The following CCDC149 variants were observed in gnomAD, a reference collection of about 807,000 sequenced individuals.
CCDC149 encodes coiled-coil domain containing 149.
CCDC149 carries 45 observed loss-of-function variants against 59.9 expected under a neutral mutation model. The ratio of observed to expected loss-of-function variants is 0.75; its 90% confidence interval spans 0.59 to 0.96. The LOEUF (loss-of-function observed/expected upper bound fraction) is 0.96, where lower values mean the gene tolerates loss of function less well. Among genes scored for constraint, CCDC149 ranks in the 40% least tolerant of loss-of-function variants. The pLI, the probability that CCDC149 is intolerant of heterozygous loss-of-function variation, is 0.00. For missense variants in CCDC149, 584 were observed against 664.7 expected, an observed-to-expected ratio of 0.88 and a Z score of 1.33; for synonymous variants, 245 against 260.6, an observed-to-expected ratio of 0.94 and a Z score of 0.58.
At chr4:24,918,291 A>G (rs948346214) in intron 1 of CCDC149, among the ~76,000 whole-genome samples, 1 of 152,188 alleles carries the variant, frequency 6.6e-6, no homozygotes, top group Non-Finnish European at 1.5e-5. Flanking sequence ...AAAAAAAACA[A>G]AGAAAACAAT....
At chr4:24,953,839 G>A (rs1723385207) in intron 1 of CCDC149, among the ~76,000 whole-genome samples, 1 of 152,060 alleles carries the variant, frequency 6.6e-6, no homozygotes, top group Non-Finnish European at 1.5e-5. Context: ...CAAGAAGAGA[G>A]AAAAGCTAAA....
intron 1 of CCDC149, among the ~76,000 whole-genome samples, chr4:24,889,076 T>C (rs1720372938): frequency 6.6e-6 from 1 of 152,190 alleles, no homozygotes; most frequent in African/African-American, 2.4e-5. Flanking sequence ...TAATGTGAAC[T>C]ACAGTAGCTG....
intron 1 of CCDC149, among the ~76,000 whole-genome samples, chr4:24,937,847 A>G (rs780258356): frequency 1.3e-5 from 2 of 152,196 alleles, no homozygotes; most frequent in Non-Finnish European, 2.9e-5. Context: ...GCTGTTCTAG[A>G]ACTGAAGAGG....
intron 11 of CCDC149, 41 bp downstream of exon 11, chr4:24,821,014 T>C (rs924498252): frequency 8.6e-7 from 1 of 1,167,408 alleles, no homozygotes; most frequent in Admixed American, 4.2e-5. Flanking sequence ...AATACACTGC[T>C]GATATTAGCC....
chr4:24,927,465 C>A (rs909389138), intron 1 of CCDC149, among the ~76,000 whole-genome samples: 3 of 152,202 alleles, frequency 2.0e-5, no homozygotes, highest in South Asian at 2.1e-4. Flanking sequence ...TATTTGCATC[C>A]AAAAACATGG....
At chr4:24,948,400 T>C (rs1460518670) in intron 1 of CCDC149, among the ~76,000 whole-genome samples, 2 of 152,226 alleles carry the variant, frequency 1.3e-5, no homozygotes, top group African/African-American at 4.8e-5. Context: ...GGAGGCTTTT[T>C]GCTCATGGAT....
intron 1 of CCDC149, among the ~76,000 whole-genome samples, chr4:24,929,535 T>G (rs1275590191): frequency 1.3e-5 from 2 of 152,220 alleles, no homozygotes; most frequent in African/African-American, 2.4e-5. Flanking sequence ...CTCTCAGAAA[T>G]GCACATCATG....
At chr4:24,936,289 T>C (rs892099575) in intron 1 of CCDC149, among the ~76,000 whole-genome samples, 5 of 151,020 alleles carry the variant, frequency 3.3e-5, no homozygotes, top group South Asian at 2.1e-4. Context: ...GTTTTCTTTT[T>C]AAGATGGGCA....
intron 1 of CCDC149, among the ~76,000 whole-genome samples, chr4:24,887,361 G>C (rs1213505172): frequency 6.6e-6 from 1 of 152,050 alleles, no homozygotes; most frequent in African/African-American, 2.4e-5. Flanking sequence ...AATGGGATCA[G>C]TCTAGCTCTC....
intron 1 of CCDC149, among the ~76,000 whole-genome samples, chr4:24,966,143 G>A (rs767672978): frequency 2.6e-5 from 4 of 152,152 alleles, no homozygotes; most frequent in Non-Finnish European, 4.4e-5. Context: ...GCTGTTGCAG[G>A]TGAGTACGTG....
chr4:24,858,761 T>TGACTACA (rs1370547639), intron 3 of CCDC149, among the ~76,000 whole-genome samples: 2 of 152,186 alleles, frequency 1.3e-5, no homozygotes, highest in East Asian at 3.8e-4. Context: ...ACAGGGATGA[T>TGACTACA]GACTACAAAT....
chr4:24,814,272 T>TA (rs1417571196), intron 12 of CCDC149, among the ~76,000 whole-genome samples: 1 of 152,192 alleles, frequency 6.6e-6, no homozygotes, highest in Non-Finnish European at 1.5e-5. Flanking sequence ...CCTTGCTTTT[T>TA]AAAAAAATAG....
chr4:24,932,892 G>A (rs1315275221), intron 1 of CCDC149, among the ~76,000 whole-genome samples: 1 of 152,162 alleles, frequency 6.6e-6, no homozygotes, highest in Non-Finnish European at 1.5e-5. Context: ...CCAATTTAGA[G>A]CCATCAGAGC....
At chr4:24,905,718 G>A (rs1037031077) in intron 1 of CCDC149, among the ~76,000 whole-genome samples, 1 of 152,208 alleles carries the variant, frequency 6.6e-6, no homozygotes, top group African/African-American at 2.4e-5. Context: ...TTACAGGCGT[G>A]AGCCATGGTG....
intron 1 of CCDC149, among the ~76,000 whole-genome samples, chr4:24,883,820 C>T (rs1719993515): frequency 6.6e-6 from 1 of 152,164 alleles, no homozygotes; most frequent in African/African-American, 2.4e-5. Flanking sequence ...AACCGCTTTC[C>T]CCATTTTATG....
At chr4:24,934,504 A>C (rs55665004) in intron 1 of CCDC149, among the ~76,000 whole-genome samples, 63,106 of 152,056 alleles carry the variant, frequency 0.42, 15,398 homozygotes, top group Non-Finnish European at 0.54. Context: ...ACAGATTGGC[A>C]CACTGCTACC....
chr4:24,853,583 A>C (rs530944551), intron 3 of CCDC149, among the ~76,000 whole-genome samples: 71 of 131,304 alleles, frequency 5.4e-4, no homozygotes, highest in African/African-American at 2.3e-3. Flanking sequence ...GCAAGACTCC[A>C]TTTCAAAAAA....
chr4:24,864,421 AC>A (rs1175340604), intron 3 of CCDC149, among the ~76,000 whole-genome samples: 1 of 152,116 alleles, frequency 6.6e-6, no homozygotes, highest in Non-Finnish European at 1.5e-5. Context: ...ACTGGGACTA[AC>A]CAACTGGTCC....
intron 4 of CCDC149, among the ~76,000 whole-genome samples, chr4:24,841,227 T>C (rs1324398073): frequency 6.6e-6 from 1 of 152,190 alleles, no homozygotes; most frequent in Non-Finnish European, 1.5e-5. Flanking sequence ...AGGGTATTTT[T>C]CTTGGTCTAT....
Sources: gnomAD v4.1 joint callset for allele counts (sites outside exome capture counted in the v4.1 genomes callset) on GRCh38, gnomAD v4.1.1 for gene constraint, MANE v1.5 for transcripts, NCBI Gene and HGNC (gene_info 2026-07-23, HGNC 2026-07-21) for gene names.